Variants in GRK5 observed in about 807,000 individuals in gnomAD.
The protein encoded by GRK5 is g protein-coupled receptor kinase GRK5.
Under a neutral mutation model 78.4 loss-of-function variants are expected in GRK5, and 40 were observed. The observed-to-expected ratio is 0.51, with a 90% CI of 0.40 to 0.66. The LOEUF is 0.66. Among genes scored for constraint, GRK5 ranks in the 30% least tolerant of loss-of-function variants. The pLI, the probability that GRK5 is intolerant of heterozygous loss-of-function variation, is 0.00. For missense variants in GRK5, 598 were observed against 759.9 expected, an observed-to-expected ratio of 0.79 and a Z score of 2.50; for synonymous variants, 289 against 296.8, an observed-to-expected ratio of 0.97 and a Z score of 0.27.
intron 1 of GRK5, among the ~76,000 whole-genome samples, chr10:119,249,116 A>G (rs1023152037): frequency 6.6e-6 from 1 of 152,010 alleles, no homozygotes; most frequent in South Asian, 2.1e-4. Flanking sequence ...TAAATATACA[A>G]AAAAATTAGC....
chr10:119,294,983 G>A (rs1850053610), intron 1 of GRK5, among the ~76,000 whole-genome samples: 1 of 152,076 alleles, frequency 6.6e-6, no homozygotes. Flanking sequence ...GAGGTCAGGA[G>A]ATCGAGACCA....
chr10:119,389,586 C>T (rs902186181), intron 3 of GRK5, among the ~76,000 whole-genome samples: 12 of 152,212 alleles, frequency 7.9e-5, no homozygotes, highest in African/African-American at 2.9e-4. Flanking sequence ...TAGAAGCTGC[C>T]ATGTTCTTAA....
At chr10:119,224,704 G>C (rs191722364) in intron 1 of GRK5, among the ~76,000 whole-genome samples, 11 of 152,280 alleles carry the variant, frequency 7.2e-5, no homozygotes, top group African/African-American at 2.6e-4. Flanking sequence ...GTGAGCCACT[G>C]CGCCCAGCCT....
At chr10:119,435,311 C>A (rs1454345627) in intron 8 of GRK5, among the ~76,000 whole-genome samples, 1 of 152,210 alleles carries the variant, frequency 6.6e-6, no homozygotes, top group Non-Finnish European at 1.5e-5. Flanking sequence ...ATGGGATTTT[C>A]TTTTCTATTG....
intron 1 of GRK5, among the ~76,000 whole-genome samples, chr10:119,317,165 T>C (rs1850500525): frequency 1.3e-5 from 2 of 151,754 alleles, no homozygotes; most frequent in African/African-American, 4.8e-5. Flanking sequence ...ATGCCAGGAG[T>C]CTGCCCCAGA....
At position 119,451,825 on chromosome 10, in the gene GRK5, C is replaced by T. The variant is rs142583822; in HGVS notation, c.1405-846C>T. ...TGGCATGGCGGAGCCCATGCTGAGC[C>T]GGTGCACTGATTCACAACCTTCGTA... is the stretch of plus-strand genomic sequence containing the variant. On this transcript the variant is annotated intron_variant, in intron 13 of 15. Transcript: ENST00000392870. Among the ~76,000 whole-genome samples, 29 of 152,352 alleles carry T rather than the reference C, an allele frequency of 1.9e-4. No individual in the cohort carries two copies. In the South Asian group the frequency reaches 4.8e-3, roughly 25 times the overall value.
At position 119,378,060 on chromosome 10, in the gene GRK5, C is replaced by G. The variant is rs1851652741; in HGVS notation, c.149-2755C>G. The G allele has an allele frequency of 1.3e-5, 2 of 154,360 alleles. No homozygotes were observed. The highest frequency in any genetic ancestry group is 4.8e-5 in the African/African-American group (2 of 41,500). The allele number at this position is 154,360 out of a possible 1,614,324, so 9.6% of individuals were successfully genotyped here. A position where few individuals can be genotyped will look rare whatever the true frequency, so the allele number is the denominator to read the frequency against. On this transcript the variant is annotated intron_variant, in intron 2 of 15. Coordinates refer to ENST00000392870, the MANE Select transcript of GRK5 (RefSeq NM_005308.3). This position sits in a 1 kb window ranked among gnomAD's most constrained non-coding sequence, Gnocchi z 4.5. Reference sequence around the variant, plus strand: ...TCACAGGCCGCTGAGACCAGGTTCCCTACTGTGGCTGATGATCACACTCAT... The same window carrying G: ...TCACAGGCCGCTGAGACCAGGTTCCGTACTGTGGCTGATGATCACACTCAT...
At chr10:119,347,464 TGTGTGTGCATGCACGTGCAC>T (rs1175251418) in intron 2 of GRK5, among the ~76,000 whole-genome samples, 1 of 152,150 alleles carries the variant, frequency 6.6e-6, no homozygotes, top group East Asian at 1.9e-4. Context: ...TGTGCGTGTT[TGTGTGTGCATGCACGTGCAC>T]GTGTGTGTGT....
At chr10:119,448,397 C>A in intron 13 of GRK5, 137 bp downstream of exon 13, 1 of 943,222 alleles carries the variant, frequency 1.1e-6, no homozygotes, top group Non-Finnish European at 1.5e-6. Context: ...CCCTCCCGGC[C>A]ACTCCTCACC....
intron 1 of GRK5, among the ~76,000 whole-genome samples, chr10:119,268,778 A>G (rs993325452): frequency 6.6e-6 from 1 of 152,234 alleles, no homozygotes; most frequent in African/African-American, 2.4e-5. Flanking sequence ...AGTAATGAAT[A>G]GGGTTGGACT....
At chr10:119,437,849 G>A (rs925843758) in intron 9 of GRK5, among the ~76,000 whole-genome samples, 2 of 152,200 alleles carry the variant, frequency 1.3e-5, no homozygotes, top group African/African-American at 4.8e-5. Flanking sequence ...TGTAATCCCA[G>A]CACTTTGGGA....
rs1247221711 is a variant in GRK5, at chr10:119,452,734, A to C, written c.1468A>C (p.Asn490His). 1 of 1,614,166 alleles carries C rather than the reference A, an allele frequency of 6.2e-7. No individual in the cohort carries two copies. The change falls in exon 14 of 16, where the codon AAT (asparagine) becomes CAT (histidine). Residue 490 changes from asparagine to histidine, a missense_variant. By Grantham distance (68) the Asn-to-His change is moderately conservative. Coordinates refer to ENST00000392870, the MANE Select transcript of GRK5 (RefSeq NM_005308.3). This position sits in a 1 kb window ranked among gnomAD's most constrained non-coding sequence, Gnocchi z 4.4. Reference protein sequence around the residue: ...IEQFSTVKGVNLDHTDDDFYS... With the variant: ...IEQFSTVKGVHLDHTDDDFYS... ...GCAGTTCTCCACTGTGAAGGGCGTC[A>C]ATCTGGACCACACAGACGACGACTT... is the stretch of plus-strand genomic sequence containing the variant.
Position 119,334,140 on chromosome 10 carries a change from G to T in GRK5, c.148+7529G>T, listed in dbSNP as rs182372657. 1.2e-4 allele frequency among the ~76,000 whole-genome samples: 19 copies of T among 152,246 alleles called. No homozygotes were observed. In the East Asian group the frequency reaches 3.7e-3, roughly 29 times the overall value. On this transcript the variant is annotated intron_variant, in intron 2 of 15. Transcript: ENST00000392870. Reference sequence around the variant, plus strand: ...GCCAGGTGCAGCGGTGCAGGCCTGAGCATTGAGACAGATTCCTAGGCCAGC... The same window carrying T: ...GCCAGGTGCAGCGGTGCAGGCCTGATCATTGAGACAGATTCCTAGGCCAGC...
Position 119,452,984 on chromosome 10 carries a change from G to A in GRK5, c.1543-161G>A, listed in dbSNP as rs1349202247. ...CCAAGTAGGGAGCTGTAGCCACCAC[G>A]GGCCAGTCATTGACGGGGAGCCTCG... is the stretch of plus-strand genomic sequence containing the variant. On this transcript the variant is annotated intron_variant, in intron 14 of 15. Coordinates refer to ENST00000392870, the MANE Select transcript of GRK5 (RefSeq NM_005308.3). This position sits in a 1 kb window ranked among gnomAD's most constrained non-coding sequence, Gnocchi z 4.4. 3.9e-5 allele frequency among the ~76,000 whole-genome samples: 6 copies of A among 152,128 alleles called. No individual in the cohort carries two copies. Among genetic ancestry groups the A allele is most frequent in the Non-Finnish European group, 8.8e-5 (6 of 68,012 alleles).
intron 8 of GRK5, among the ~76,000 whole-genome samples, chr10:119,433,124 G>T (rs1180596764): frequency 9.2e-5 from 14 of 152,184 alleles, no homozygotes; most frequent in African/African-American, 3.4e-4. Context: ...CACTCCCAGA[G>T]GATGGAAGTT....
chr10:119,228,537 T>C (rs12256102), intron 1 of GRK5, among the ~76,000 whole-genome samples: 72,235 of 150,468 alleles, frequency 0.48, 20,118 homozygotes, highest in East Asian at 0.71. Context: ...GGGAGGATCA[T>C]TTGAGCCCAA....
chr10:119,262,488 G>A (rs370452051), intron 1 of GRK5, among the ~76,000 whole-genome samples: 21 of 151,788 alleles, frequency 1.4e-4, no homozygotes, highest in Non-Finnish European at 2.2e-4. Context: ...ACAGGTGTGC[G>A]CCACCACACC....
At chr10:119,286,644 T>C (rs920763736) in intron 1 of GRK5, among the ~76,000 whole-genome samples, 17 of 152,238 alleles carry the variant, frequency 1.1e-4, no homozygotes, top group African/African-American at 4.1e-4. Flanking sequence ...CTGGCAGGAA[T>C]AATGAAGGGC....
At position 119,379,638 on chromosome 10, in the gene GRK5, G is replaced by A. The variant is rs1851680224; in HGVS notation, c.149-1177G>A. On this transcript the variant is annotated intron_variant, in intron 2 of 15. Transcript: ENST00000392870. This position sits in a 1 kb window ranked among gnomAD's most constrained non-coding sequence, Gnocchi z 4.1. ...TTCCCTGTTTCCCACGAACTCATCC[G>A]ACTGTGTCCCGTGCAGCTGCAACAT... 6.6e-6 allele frequency among the ~76,000 whole-genome samples: 1 copy of A among 152,060 alleles called. No homozygotes were observed. The highest frequency in any genetic ancestry group is 2.4e-5 in the African/African-American group (1 of 41,392).
Sources: gnomAD v4.1 joint callset for allele counts (sites outside exome capture counted in the v4.1 genomes callset) on GRCh38, gnomAD v4.1.1 for gene constraint, Gnocchi (gnomAD v3.1) non-coding constraint, MANE v1.5 for transcripts, NCBI Gene and HGNC (gene_info 2026-07-23, HGNC 2026-07-21) for gene names.